Variants in HELZ observed in about 807,000 individuals in gnomAD.
The protein encoded by HELZ is helicase with zinc finger.
A neutral mutation model predicts 218.2 loss-of-function variants in HELZ; 23 were observed. The ratio of observed to expected loss-of-function variants is 0.11; its 90% confidence interval spans 0.08 to 0.15. HELZ has a LOEUF of 0.15. Ranked by LOEUF, HELZ falls within the 10% of genes least tolerant of loss-of-function variation. The pLI, the probability that HELZ is intolerant of heterozygous loss-of-function variation, is 1.00. For missense variants in HELZ, 1,813 were observed against 2,353.7 expected (o/e 0.77, Z 4.75); for synonymous variants, 814 against 829.4 (o/e 0.98, Z 0.32).
At chr17:67,181,212 G>A (rs1000213913) in intron 12 of HELZ, among the ~76,000 whole-genome samples, 37 of 152,078 alleles carry the variant, frequency 2.4e-4, no homozygotes, top group Non-Finnish European at 2.9e-5. Context: ...TTCAGACTGT[G>A]CCTAGATTAC....
chr17:67,110,228 C>G (rs975373140), intron 28 of HELZ, among the ~76,000 whole-genome samples: 4 of 151,998 alleles, frequency 2.6e-5, no homozygotes, highest in Non-Finnish European at 5.9e-5. Flanking sequence ...CCACCACGCC[C>G]AACTAATTTT....
intron 6 of HELZ, among the ~76,000 whole-genome samples, chr17:67,202,625 T>C (rs887841038): frequency 6.6e-6 from 1 of 152,230 alleles, no homozygotes; most frequent in African/African-American, 2.4e-5. Context: ...AAGCACTTAT[T>C]AGTTTAGATA....
At chr17:67,223,512 A>C (rs1004360924) in intron 3 of HELZ, among the ~76,000 whole-genome samples, 5 of 152,178 alleles carry the variant, frequency 3.3e-5, no homozygotes, top group African/African-American at 1.2e-4. Flanking sequence ...GCACTTTGGG[A>C]GGCTGAGGCG....
intron 23 of HELZ, among the ~76,000 whole-genome samples, chr17:67,131,386 AGCTGGAGCTTGGTGACAGTCTTT>A (rs1425184140): frequency 6.6e-6 from 1 of 152,206 alleles, no homozygotes; most frequent in African/African-American, 2.4e-5. Flanking sequence ...CTTCACAAAA[AGCTGGAGCTTGGTGACAGTCTTT>A]GCCTACCAGA....
At chr17:67,131,674 C>T (rs1422850983) in intron 23 of HELZ, among the ~76,000 whole-genome samples, 3 of 151,932 alleles carry the variant, frequency 2.0e-5, no homozygotes, top group African/African-American at 4.8e-5. Flanking sequence ...ATTACTTAGC[C>T]TCTCTTTATA....
intron 31 of HELZ, among the ~76,000 whole-genome samples, chr17:67,095,468 G>C (rs1447198289): frequency 6.6e-6 from 1 of 152,088 alleles, no homozygotes; most frequent in Non-Finnish European, 1.5e-5. Context: ...GGATTGCCAG[G>C]GTCCAGGAGG....
chr17:67,222,846 C>T (rs1351758849), intron 3 of HELZ, among the ~76,000 whole-genome samples: 1 of 152,148 alleles, frequency 6.6e-6, no homozygotes, highest in African/African-American at 2.4e-5. Flanking sequence ...CTCCCAGATA[C>T]ACTTCAAGAG....
chr17:67,142,059 T>C (rs1346426030), intron 21 of HELZ, among the ~76,000 whole-genome samples: 1 of 149,180 alleles, frequency 6.7e-6, no homozygotes, highest in East Asian at 2.0e-4. Flanking sequence ...AAAGAAAAAA[T>C]AATAATTAAA....
At chr17:67,155,627 A>G (rs558571254) in intron 17 of HELZ, among the ~76,000 whole-genome samples, 18 of 152,322 alleles carry the variant, frequency 1.2e-4, no homozygotes, top group African/African-American at 4.3e-4. Flanking sequence ...ACCTGAGGCC[A>G]GGAGTTCGAG....
chr17:67,201,480 G>A (rs1243620473), intron 6 of HELZ, among the ~76,000 whole-genome samples: 1 of 152,068 alleles, frequency 6.6e-6, no homozygotes, highest in African/African-American at 2.4e-5. Context: ...TACCACCACA[G>A]AACAAGACAG....
At chr17:67,226,889 C>G (rs1213869177) in intron 3 of HELZ, among the ~76,000 whole-genome samples, 1 of 152,132 alleles carries the variant, frequency 6.6e-6, no homozygotes, top group Non-Finnish European at 1.5e-5. Context: ...GTCTCAAAAG[C>G]TGACATACTG....
chr17:67,108,785 A>C lies in HELZ; in HGVS notation c.4490-59T>G. ...TTTGGGGTTTCAAGTTCATTATTTA[A>C]AGTTTTTTACTAACATATTTTCTCC... is the stretch of plus-strand genomic sequence containing the variant. On this transcript the variant is annotated intron_variant, in intron 29 of 32. Transcript: ENST00000358691. The surrounding 1 kb of genome is among the most constrained non-coding windows in gnomAD (Gnocchi z 4.1). 2.3e-6 allele frequency: 3 copies of C among 1,308,788 alleles called. No individual in the cohort carries two copies. The highest frequency in any genetic ancestry group is 3.2e-6 in the Non-Finnish European group (3 of 950,888). 81.1% of individuals were successfully genotyped at this position (1,308,788 alleles called of 1,614,324 possible).
chr17:67,104,413 T>C (rs952419008), intron 31 of HELZ, among the ~76,000 whole-genome samples: 1 of 148,874 alleles, frequency 6.7e-6, no homozygotes, highest in African/African-American at 2.5e-5. Flanking sequence ...CACTCCAGCC[T>C]GTGCAACAGA....
intron 31 of HELZ, among the ~76,000 whole-genome samples, chr17:67,097,338 T>C (rs778183511): frequency 1.3e-5 from 2 of 152,210 alleles, no homozygotes; most frequent in Non-Finnish European, 2.9e-5. Context: ...AACATGGGGT[T>C]ACCATAAACC....
At chr17:67,181,416 G>T (rs1415454717) in intron 12 of HELZ, among the ~76,000 whole-genome samples, 2 of 152,256 alleles carry the variant, frequency 1.3e-5, no homozygotes, top group African/African-American at 4.8e-5. Flanking sequence ...GGGAAAAGTG[G>T]CATGAGCAAT....
intron 23 of HELZ, 62 bp from the exon 24 acceptor site, chr17:67,128,917 T>A: frequency 1.6e-6 from 2 of 1,225,140 alleles, no homozygotes; most frequent in Non-Finnish European, 2.4e-6. Context: ...GAAATGAATA[T>A]AAATAACTAA....
chr17:67,131,476 T>C (rs893094671), intron 23 of HELZ, among the ~76,000 whole-genome samples: 4 of 152,042 alleles, frequency 2.6e-5, no homozygotes, highest in Admixed American at 6.6e-5. Flanking sequence ...AATTTAAAAG[T>C]AACATTAACT....
chr17:67,138,962 T>C (rs1318841447), intron 21 of HELZ, among the ~76,000 whole-genome samples: 3 of 151,948 alleles, frequency 2.0e-5, no homozygotes, highest in Admixed American at 6.6e-5. Context: ...AAGAGAGTCA[T>C]AATAAAAAAA....
intron 21 of HELZ, among the ~76,000 whole-genome samples, chr17:67,143,350 C>G (rs1001320299): frequency 6.6e-6 from 1 of 152,040 alleles, no homozygotes; most frequent in Non-Finnish European, 1.5e-5. Flanking sequence ...GCTCACACCT[C>G]TAGTTTCAGC....
Sources: allele counts gnomAD v4.1 joint callset (sites outside exome capture counted in the v4.1 genomes callset), GRCh38; gene constraint gnomAD v4.1.1; non-coding constraint Gnocchi (gnomAD v3.1); transcripts MANE v1.5; gene names NCBI Gene and HGNC (gene_info 2026-07-23, HGNC 2026-07-21).